Variants in SRPX observed in about 807,000 individuals in gnomAD.
SRPX encodes the protein sushi repeat-containing protein SRPX.
In SRPX, 24 loss-of-function variants were observed where a neutral mutation model predicts 38.1. The ratio of observed to expected loss-of-function variants is 0.63; its 90% CI spans 0.46 to 0.89. SRPX has a LOEUF of 0.89. Among genes scored for constraint, SRPX ranks in the 40% least tolerant of loss-of-function variants. SRPX has a pLI of 0.00. For synonymous variants in SRPX, 184 were observed against 153.8 expected, an observed-to-expected ratio of 1.20 and a Z score of -1.45; for missense variants, 416 against 377.8, an observed-to-expected ratio of 1.10 and a Z score of -0.84.
intron 1 of SRPX, among the ~76,000 whole-genome samples, chrX:38,200,728 T>C (rs1939095031): frequency 8.9e-6 from 1 of 111,881 alleles, no homozygotes; most frequent in South Asian, 3.8e-4. Flanking sequence ...GGCATTAATC[T>C]ATTCATGAAG....
Position 38,156,914 on chromosome X carries a change from G to A in SRPX, c.1071C>T (p.Leu357=). ...GACTCACCTGCAGCATTCCTAGCTG[G>A]AGCCGGTAAAGGAGGTTTCGGGCTG... ...TPTARNLLYR[L]QLGMLQQAQC... The change falls in exon 8 of 10, where the codon CTC becomes CTT. Residue 357 remains leucine (L), a synonymous_variant. Transcript: ENST00000378533. 1 of 1,211,030 alleles carries A rather than the reference G, an allele frequency of 8.3e-7. No individual in the cohort carries two copies. The highest frequency in any genetic ancestry group is 1.1e-6 in the Non-Finnish European group (1 of 895,265).
chrX:38,185,004 A>G (rs1251139669), intron 1 of SRPX, among the ~76,000 whole-genome samples: 1 of 112,194 alleles, frequency 8.9e-6, no homozygotes, highest in Non-Finnish European at 1.9e-5. Flanking sequence ...TTAAATTTAC[A>G]TTTAAATAGC....
chrX:38,187,578 C>T (rs1938810831), intron 1 of SRPX, among the ~76,000 whole-genome samples: 1 of 112,227 alleles, frequency 8.9e-6, no homozygotes, highest in South Asian at 3.7e-4. Context: ...TCCCTATATG[C>T]CTTTATGACT....
chrX:38,190,206 C>T (rs1300439728), intron 1 of SRPX, among the ~76,000 whole-genome samples: 1 of 111,740 alleles, frequency 8.9e-6, no homozygotes, highest in African/African-American at 3.3e-5. Flanking sequence ...CTTTTAATTG[C>T]CAGCTGTAGA....
chrX:38,200,649 G>A (rs758227061), intron 1 of SRPX, among the ~76,000 whole-genome samples: 2 of 111,557 alleles, frequency 1.8e-5, no homozygotes, highest in Non-Finnish European at 3.8e-5. Flanking sequence ...AAGGGAAAGA[G>A]GAGGCAAACT....
chrX:38,159,954 A>G (rs756833770), intron 7 of SRPX, 63 bp downstream of exon 7: 179 of 1,124,452 alleles, frequency 1.6e-4, no homozygotes, highest in Non-Finnish European at 2.1e-4. Flanking sequence ...CCTCTCTTGC[A>G]CTGGAATCAA....
chrX:38,170,395 C>A lies in SRPX; in HGVS notation c.526+1486G>T, dbSNP rs371678766. On this transcript the variant is annotated intron_variant, in intron 4 of 9. Transcript: ENST00000378533. ...TTAAACTATTTTAATACATTTAAAG[C>A]CAAAAAAGTAAATAATACCCCTGGA... Among the ~76,000 whole-genome samples, 30 of 112,298 alleles carry A rather than the reference C, an allele frequency of 2.7e-4. No individual in the cohort carries two copies. In the East Asian group the frequency reaches 3.6e-3, roughly 14 times the overall value.
rs917067907 is a variant in SRPX at position 38,174,354 on chromosome X, A to G, written c.158-3T>C. On this transcript the variant is annotated splice_region_variant and splice_polypyrimidine_tract_variant and intron_variant, in intron 2 of 9. Coordinates refer to ENST00000378533, the MANE Select transcript of SRPX (RefSeq NM_006307.5). ...GATGGGGGAGCACCACGGGGTATCT[A>G]CAAGTAGCAGAAACAAAAGAGGAGA... The G allele has an allele frequency of 5.8e-6, 6 of 1,026,339 alleles. No individual in the cohort carries two copies. The African/African-American group carries it at 9.8e-5, about 17-fold the overall frequency. 84.6% of individuals were successfully genotyped at this position (1,026,339 alleles called of 1,213,427 possible).
At chrX:38,156,857 A>G in intron 8 of SRPX, 39 bp downstream of exon 8, 2 of 1,190,871 alleles carry the variant, frequency 1.7e-6, no homozygotes. Flanking sequence ...TTCCTGTTAA[A>G]GGTCTCCCTC....
At chrX:38,160,494 G>T (rs1938224491) in intron 6 of SRPX, among the ~76,000 whole-genome samples, 1 of 111,749 alleles carries the variant, frequency 8.9e-6, no homozygotes, top group Non-Finnish European at 1.9e-5. Flanking sequence ...AAACCATCAG[G>T]CATAAAATAA....
chrX:38,210,785 C>G (rs1054939762), intron 1 of SRPX, among the ~76,000 whole-genome samples: 1 of 112,438 alleles, frequency 8.9e-6, no homozygotes, highest in Non-Finnish European at 1.9e-5. Context: ...CTAGTTATAG[C>G]ATGCTGGCCT....
intron 6 of SRPX, 60 bp downstream of exon 6, chrX:38,160,873 C>T: frequency 8.5e-7 from 1 of 1,178,042 alleles, no homozygotes; most frequent in South Asian, 1.9e-5. Context: ...GCTTGAGGAC[C>T]TACTTCCCTT....
chrX:38,162,516 T>G (rs1938283210), intron 5 of SRPX, among the ~76,000 whole-genome samples: 1 of 112,460 alleles, frequency 8.9e-6, no homozygotes. Flanking sequence ...GATGCTGTTT[T>G]AAAATGTAAC....
chrX:38,209,571 T>C (rs1229141889), intron 1 of SRPX, among the ~76,000 whole-genome samples: 1 of 111,967 alleles, frequency 8.9e-6, no homozygotes. Context: ...GAATGTGTCC[T>C]GAGGCTTCCC....
chrX:38,188,884 A>G (rs986686484), intron 1 of SRPX, among the ~76,000 whole-genome samples: 1 of 112,149 alleles, frequency 8.9e-6, no homozygotes, highest in African/African-American at 3.2e-5. Context: ...TATTAGAAAA[A>G]CAGTGATTTA....
intron 1 of SRPX, among the ~76,000 whole-genome samples, chrX:38,180,577 T>C (rs186640904): frequency 1.8e-5 from 2 of 112,244 alleles, no homozygotes; most frequent in Non-Finnish European, 3.8e-5. Flanking sequence ...ACACTCAACC[T>C]GCTCAAAACC....
At chrX:38,185,032 T>G (rs1235769106) in intron 1 of SRPX, among the ~76,000 whole-genome samples, 2 of 112,260 alleles carry the variant, frequency 1.8e-5, no homozygotes, top group Non-Finnish European at 3.8e-5. Flanking sequence ...GGTTAATAGC[T>G]ACCATACTGG....
intron 1 of SRPX, among the ~76,000 whole-genome samples, chrX:38,197,506 C>T (rs1465407733): frequency 9.0e-6 from 1 of 110,912 alleles, no homozygotes; most frequent in East Asian, 2.8e-4. Context: ...TTGATATATG[C>T]ATACAATGCA....
At chrX:38,181,648 T>G (rs12009007) in intron 1 of SRPX, among the ~76,000 whole-genome samples, 35,278 of 110,683 alleles carry the variant, frequency 0.32, 4,667 homozygotes, top group Non-Finnish European at 0.42. Context: ...TGACCTTTAA[T>G]GCAGACTTCT....
Sources: gnomAD v4.1 joint callset for allele counts (sites outside exome capture counted in the v4.1 genomes callset) on GRCh38, gnomAD v4.1.1 for gene constraint, MANE v1.5 for transcripts, NCBI Gene and HGNC (gene_info 2026-07-23, HGNC 2026-07-21) for gene names.